The following LGR6 variants were observed in gnomAD, a reference collection of about 807,000 sequenced individuals.
The protein encoded by LGR6 is leucine rich repeat containing G protein-coupled receptor 6.
In LGR6, 45 loss-of-function variants were observed where a neutral mutation model predicts 69.4. The ratio of observed to expected loss-of-function variants is 0.65; its 90% CI spans 0.51 to 0.83. LGR6 has a LOEUF of 0.83. Ranked by LOEUF, LGR6 falls within the 40% of genes least tolerant of loss-of-function variation. The pLI is 0.00. For missense variants in LGR6, 1,108 were observed against 1,246.7 expected, an observed-to-expected ratio of 0.89 and a Z score of 1.68; for synonymous variants, 538 against 555.0, an observed-to-expected ratio of 0.97 and a Z score of 0.43.
intron 4 of LGR6, among the ~76,000 whole-genome samples, chr1:202,261,039 C>T (rs56739938): frequency 4.5e-4 from 69 of 152,088 alleles, no homozygotes; most frequent in African/African-American, 1.7e-3. Context: ...CAATAAACAT[C>T]TTAAATCTAC....
intron 4 of LGR6, among the ~76,000 whole-genome samples, chr1:202,253,366 G>C (rs965592367): frequency 2.7e-5 from 4 of 150,722 alleles, no homozygotes; most frequent in African/African-American, 4.9e-5. Flanking sequence ...GCAGTGGCGC[G>C]ATCTCGGCTC....
intron 4 of LGR6, among the ~76,000 whole-genome samples, chr1:202,243,251 T>G (rs928197594): frequency 1.3e-5 from 2 of 152,158 alleles, no homozygotes; most frequent in Admixed American, 6.5e-5. Context: ...GGGGCGTGCC[T>G]GGGGCTCCTG....
At chr1:202,301,140 G>T in intron 8 of LGR6, 24 bp from the exon 9 acceptor site, 1 of 1,610,834 alleles carries the variant, frequency 6.2e-7, no homozygotes, top group Non-Finnish European at 8.5e-7. Context: ...AACCCAATTA[G>T]GTGTTTGGAC....
chr1:202,209,129 G>A (rs1659368538), intron 1 of LGR6, among the ~76,000 whole-genome samples: 1 of 152,072 alleles, frequency 6.6e-6, no homozygotes, highest in African/African-American at 2.4e-5. Context: ...TCCTATCATA[G>A]TGTCCCCAAG....
At chr1:202,279,996 T>C (rs1665880988) in intron 5 of LGR6, among the ~76,000 whole-genome samples, 1 of 152,262 alleles carries the variant, frequency 6.6e-6, no homozygotes, top group South Asian at 2.1e-4. Flanking sequence ...AATTTCCTTG[T>C]GTTCCTGGTT....
intron 1 of LGR6, among the ~76,000 whole-genome samples, chr1:202,198,913 G>T (rs1348036845): frequency 1.3e-5 from 2 of 152,022 alleles, no homozygotes; most frequent in Non-Finnish European, 2.9e-5. Context: ...TCACTTCCAA[G>T]GCCACCCTTC....
At chr1:202,305,613 GC>G (rs931069473) in intron 11 of LGR6, 70 bp from the exon 12 acceptor site, 4 of 1,333,734 alleles carry the variant, frequency 3.0e-6, no homozygotes, top group Non-Finnish European at 4.3e-6. Flanking sequence ...CCTGGCTAGA[GC>G]CCCCCGTCCC....
At chr1:202,245,040 G>A (rs750871507) in intron 4 of LGR6, among the ~76,000 whole-genome samples, 4 of 152,102 alleles carry the variant, frequency 2.6e-5, no homozygotes, top group Admixed American at 1.3e-4. Context: ...AAGCCTCCCC[G>A]CCAAAATCTG....
intron 4 of LGR6, among the ~76,000 whole-genome samples, chr1:202,252,919 G>A (rs1663390143): frequency 6.6e-6 from 1 of 152,222 alleles, no homozygotes; most frequent in South Asian, 2.1e-4. Flanking sequence ...CATTGTGTCA[G>A]GCACATGCAT....
chr1:202,262,294 T>A (rs1393865991), intron 4 of LGR6, among the ~76,000 whole-genome samples: 2 of 151,726 alleles, frequency 1.3e-5, no homozygotes, highest in Non-Finnish European at 2.9e-5. Flanking sequence ...GTTTCAGCTT[T>A]CTACATATGG....
In LGR6 at chr1:202,306,940, G is replaced by A; in HGVS notation, c.1208+1G>A. 2 of 1,613,868 alleles carry A rather than the reference G, an allele frequency of 1.2e-6. No individual in the cohort carries two copies. Among genetic ancestry groups the A allele is most frequent in the Non-Finnish European group, 1.7e-6 (2 of 1,179,830 alleles). ...GCCAGCTGAGCTCCCTGCAAGCCCT[G>A]TGAGTACCCACATCCAGGGGTGGGC... On this transcript the variant is annotated splice_donor_variant, in intron 13 of 17. Coordinates refer to ENST00000367278, the MANE Select transcript of LGR6 (RefSeq NM_001017403.2). LOFTEE classifies it high-confidence loss of function.
intron 11 of LGR6, among the ~76,000 whole-genome samples, 198 bp downstream of exon 11, chr1:202,304,828 G>T (rs923974057): frequency 1.3e-5 from 2 of 152,140 alleles, no homozygotes; most frequent in African/African-American, 4.8e-5. Context: ...TATTGATTTG[G>T]ACTCACTCTT....
intron 15 of LGR6, 46 bp downstream of exon 15, chr1:202,309,222 C>A: frequency 6.2e-7 from 1 of 1,606,782 alleles, no homozygotes; most frequent in Non-Finnish European, 8.5e-7. Context: ...CAGCTGGAGA[C>A]CCTGGAGGGA....
At chr1:202,310,143 T>G in intron 15 of LGR6, 54 bp from the exon 16 acceptor site, 1 of 1,595,578 alleles carries the variant, frequency 6.3e-7, no homozygotes, top group Non-Finnish European at 8.6e-7. Context: ...CAGACTTAGG[T>G]CTTAGACCCC....
intron 1 of LGR6, among the ~76,000 whole-genome samples, chr1:202,213,175 C>T (rs1659527864): frequency 6.6e-6 from 1 of 152,152 alleles, no homozygotes; most frequent in Non-Finnish European, 1.5e-5. Flanking sequence ...ACCTTTCCAG[C>T]AGTGTCTGGT....
chr1:202,254,779 C>T (rs1021094058), intron 4 of LGR6, among the ~76,000 whole-genome samples: 5 of 151,766 alleles, frequency 3.3e-5, no homozygotes, highest in Non-Finnish European at 5.9e-5. Flanking sequence ...AACTGGTGGA[C>T]GCTGAATGAG....
intron 1 of LGR6, among the ~76,000 whole-genome samples, chr1:202,207,012 G>A (rs1049424532): frequency 6.6e-6 from 1 of 151,952 alleles, no homozygotes; most frequent in African/African-American, 2.4e-5. Flanking sequence ...CCGCCTCTCG[G>A]GTTCAAGCGA....
chr1:202,274,823 G>A (rs1394990126), intron 4 of LGR6, among the ~76,000 whole-genome samples: 2 of 152,240 alleles, frequency 1.3e-5, no homozygotes, highest in African/African-American at 4.8e-5. Context: ...GGCACTCACT[G>A]AAGGGCTTTT....
At chr1:202,253,761 T>C (rs1430573718) in intron 4 of LGR6, among the ~76,000 whole-genome samples, 2 of 147,532 alleles carry the variant, frequency 1.4e-5, no homozygotes, top group Non-Finnish European at 3.0e-5. Context: ...CCCGAGTAGC[T>C]GGGACTACAG....
Sources: allele counts gnomAD v4.1 joint callset (sites outside exome capture counted in the v4.1 genomes callset), GRCh38; gene constraint gnomAD v4.1.1; transcripts MANE v1.5; gene names NCBI Gene and HGNC (gene_info 2026-07-23, HGNC 2026-07-21).